KLRC1: variants seen among roughly 807,000 people sequenced by gnomAD.
KLRC1 encodes the protein killer cell lectin like receptor C1, also known as NKG2-A/NKG2-B type II integral membrane protein.
KLRC1 carries 22 observed loss-of-function variants against 25.9 expected under a neutral mutation model. The observed-to-expected ratio is 0.85, with a 90% CI of 0.61 to 1.21. The LOEUF (loss-of-function observed/expected upper bound fraction) is 1.21, where lower values mean the gene tolerates loss of function less well. Ranked by LOEUF, KLRC1 falls within the 50% of genes most tolerant of loss-of-function variation. KLRC1 has a pLI of 0.00. For missense variants in KLRC1, 240 were observed against 272.2 expected (o/e 0.88, Z 0.83); for synonymous variants, 77 against 93.1 (o/e 0.83, Z 0.99).
chr12:10,450,462 T>C (rs1864098929), intron 3 of KLRC1, 22 bp downstream of exon 3: 1 of 1,360,738 alleles, frequency 7.3e-7, no homozygotes, highest in Non-Finnish European at 1.0e-6. Context: ...ATTCCCCTTG[T>C]AATCTTCGAA....
rs1378802373 is a variant in KLRC1, at chr12:10,450,989, G to C, written c.168C>G (p.Asp56Glu). The C allele has an allele frequency of 5.6e-6, 9 of 1,612,160 alleles. No homozygotes were observed. The highest frequency in any genetic ancestry group is 1.3e-5 in the African/African-American group (1 of 74,932). The change falls in exon 2 of 7, where the codon GAC becomes GAG. Residue 56 changes from aspartate to glutamate, a missense_variant. By Grantham distance (45) the Asp-to-Glu change is conservative (BLOSUM62 2). Coordinates refer to ENST00000359151, the MANE Select transcript of KLRC1 (RefSeq NM_002259.5). ...CTTTACCTTTGCAGTGATAGGTTTT[G>C]TCATTCCCTTGAAAATCCTGAGAAG... is the stretch of plus-strand genomic sequence containing the variant. Reference protein sequence around the residue: ...QKASQDFQGNDKTYHCKDLPS... With the variant: ...QKASQDFQGNEKTYHCKDLPS...
At chr12:10,447,477 C>T in intron 6 of KLRC1, 55 bp downstream of exon 6, 1 of 1,341,152 alleles carries the variant, frequency 7.5e-7, no homozygotes, top group Non-Finnish European at 1.0e-6. Flanking sequence ...TATTATTCTT[C>T]TGAATTTATC....
chr12:10,447,180 A>T (rs188735546), intron 6 of KLRC1: 1 of 195,782 alleles, frequency 5.1e-6, no homozygotes, highest in Non-Finnish European at 1.0e-5. Flanking sequence ...GGCCCAATAC[A>T]TATACGTAAA....
chr12:10,445,122 G>A (rs895463156), downstream of KLRC1, among the ~76,000 whole-genome samples: 5 of 151,584 alleles, frequency 3.3e-5, no homozygotes, highest in Non-Finnish European at 4.4e-5. Context: ...GTTTCAGCAC[G>A]TTGGCTAGGA....
chr12:10,449,844 A>G (rs1035710630), intron 4 of KLRC1, 70 bp downstream of exon 4: 1 of 1,255,736 alleles, frequency 8.0e-7, no homozygotes, highest in South Asian at 1.8e-5. Flanking sequence ...CCAAAATTTT[A>G]TTTTTGTACA....
At position 10,450,500 on chromosome 12, in the gene KLRC1, C is replaced by G; in HGVS notation, c.267G>C (p.Thr89=). The stretch of plus-strand genomic sequence containing the variant: ...TAGACTTACAGGGAATAACAACTAT[C>G]GTTACCACAGAGGCCATTAAGATAA... ...ICLILMASVV[T]IVVIPSTLIQ... is the part of the protein sequence containing the mutation. The change falls in exon 3 of 7, where the codon ACG becomes ACC. Residue 89 remains threonine (T), a synonymous_variant. Coordinates refer to ENST00000359151, the MANE Select transcript of KLRC1 (RefSeq NM_002259.5). 1 of 1,598,674 alleles carries G rather than the reference C, an allele frequency of 6.3e-7. No homozygotes were observed. The highest frequency in any genetic ancestry group is 8.6e-7 in the Non-Finnish European group (1 of 1,166,538).
intron 5 of KLRC1, among the ~76,000 whole-genome samples, chr12:10,448,542 C>T (rs180847594): frequency 2.6e-3 from 389 of 152,270 alleles, no homozygotes; most frequent in Middle Eastern, 6.8e-3. Flanking sequence ...AGCAAAGGAA[C>T]CCAATGACTA....
intron 5 of KLRC1, among the ~76,000 whole-genome samples, chr12:10,448,761 G>C (rs1864053526): frequency 6.6e-6 from 1 of 152,200 alleles, no homozygotes; most frequent in African/African-American, 2.4e-5. Context: ...CACAGTGTAT[G>C]ATTCCCTTTA....
downstream of KLRC1, among the ~76,000 whole-genome samples, chr12:10,444,793 C>T (rs1217305429): frequency 6.6e-6 from 1 of 151,910 alleles, no homozygotes; most frequent in Non-Finnish European, 1.5e-5. Context: ...AAATTCTTCC[C>T]AAGATAGCCT....
upstream of KLRC1, chr12:10,453,511 T>C (rs1864162678): frequency 3.3e-6 from 1 of 304,112 alleles, no homozygotes; most frequent in Non-Finnish European, 4.8e-6. Flanking sequence ...AAGTACAAGG[T>C]TGACTTTGAA....
chr12:10,454,257 G>T (rs886467298), upstream of KLRC1: 1 of 152,234 alleles, frequency 6.6e-6, no homozygotes, highest in Non-Finnish European at 1.5e-5. Flanking sequence ...GTAGGAGTTT[G>T]TAAAATGCCA....
At position 10,446,292 on chromosome 12, in the gene KLRC1, T is replaced by C; in HGVS notation, c.*259A>G. 2.3e-6 allele frequency: 2 copies of C among 883,986 alleles called. No individual in the cohort carries two copies. The highest frequency in any genetic ancestry group is 1.8e-5 in the African/African-American group (1 of 56,874). 54.8% of individuals were successfully genotyped at this position (883,986 alleles called of 1,614,324 possible). ...GGGTTTGACTGTTCTTGGTACTTCC[T>C]ATAAGCTGACTCACATAACATGCAA... On this transcript the variant is annotated 3_prime_UTR_variant, in exon 7 of 7. Coordinates refer to ENST00000359151, the MANE Select transcript of KLRC1 (RefSeq NM_002259.5).
At chr12:10,447,958 G>A (rs151336589) in intron 5 of KLRC1, among the ~76,000 whole-genome samples, 50 of 152,254 alleles carry the variant, frequency 3.3e-4, no homozygotes, top group African/African-American at 1.2e-3. Context: ...ATTTCTCAGA[G>A]TTGGAGATTT....
In KLRC1 at chr12:10,453,259, G is replaced by T. The variant is rs1295155448; in HGVS notation, c.-93C>A. ...GAGGCCAGGTTAGTCTCATAAAAAG[G>T]CCTGCTATAGCTGTGTAATAAAAGG... On this transcript the variant is annotated 5_prime_UTR_variant, in exon 1 of 7. Coordinates refer to ENST00000359151, the MANE Select transcript of KLRC1 (RefSeq NM_002259.5). 1.1e-5 allele frequency: 11 copies of T among 985,176 alleles called. No homozygotes were observed. Among genetic ancestry groups the T allele is most frequent in the South Asian group, 4.7e-5 (1 of 21,288 alleles). The allele number at this position is 985,176 out of a possible 1,614,324, so 61.0% of individuals were successfully genotyped here.
chr12:10,447,493 T>C (rs1364492086), intron 6 of KLRC1, 39 bp downstream of exon 6: 6 of 1,416,246 alleles, frequency 4.2e-6, no homozygotes, highest in South Asian at 1.3e-5. Flanking sequence ...TTATCCTTTA[T>C]ATATATATTG....
At chr12:10,447,414 C>T in intron 6 of KLRC1, 118 bp downstream of exon 6, 1 of 901,464 alleles carries the variant, frequency 1.1e-6, no homozygotes, top group Non-Finnish European at 1.6e-6. Context: ...GTCAGCATTT[C>T]ACTAACTTTC....
chr12:10,446,528 C>T lies in KLRC1; in HGVS notation c.*23G>A. ...AGAAATATACAATTTATCTGATGCA[C>T]TGCAAATGCAAACGCTTTACCTCTA... On this transcript the variant is annotated 3_prime_UTR_variant, in exon 7 of 7. Coordinates refer to ENST00000359151, the MANE Select transcript of KLRC1 (RefSeq NM_002259.5). The T allele has an allele frequency of 6.3e-7, 1 of 1,596,190 alleles. No homozygotes were observed.
intron 4 of KLRC1, 137 bp from the exon 5 acceptor site, chr12:10,449,525 G>A: frequency 1.4e-6 from 2 of 1,431,292 alleles, no homozygotes; most frequent in Non-Finnish European, 1.9e-6. Flanking sequence ...AATATATAGT[G>A]TCAAAATACC....
chr12:10,447,511 G>A, intron 6 of KLRC1, 21 bp downstream of exon 6: 1 of 1,533,666 alleles, frequency 6.5e-7, no homozygotes, highest in Non-Finnish European at 9.0e-7. Context: ...TTGTTATATA[G>A]CGCCATACAA....
Sources: allele counts gnomAD v4.1 joint callset (sites outside exome capture counted in the v4.1 genomes callset), GRCh38; gene constraint gnomAD v4.1.1; transcripts MANE v1.5; gene names NCBI Gene and HGNC (gene_info 2026-07-23, HGNC 2026-07-21).